The following KCTD5 variants were observed in gnomAD, a reference collection of about 807,000 sequenced individuals.
KCTD5 encodes potassium channel tetramerization domain containing 5, also known as BTB/POZ domain-containing protein KCTD5.
A neutral mutation model predicts 27.9 loss-of-function variants in KCTD5; 12 were observed. That is an observed-to-expected ratio of 0.43 (90% CI 0.28 to 0.70). The LOEUF is 0.70. KCTD5 is among the 30% of genes least tolerant of loss of function. The probability of loss-of-function intolerance (pLI) is 0.19; values close to 1 mark genes in which losing one functional copy is unlikely to be tolerated. For missense variants in KCTD5, 226 were observed against 274.8 expected (o/e 0.82, Z 1.26); for synonymous variants, 147 against 121.4 (o/e 1.21, Z -1.39).
intron 1 of KCTD5, among the ~76,000 whole-genome samples, chr16:2,689,786 C>G (rs2067557228): frequency 6.6e-6 from 1 of 152,144 alleles, no homozygotes; most frequent in Non-Finnish European, 1.5e-5. Flanking sequence ...AGTGATTGTC[C>G]TGCCTCAGCC....
chr16:2,706,089 G>T (rs1170848979), intron 5 of KCTD5, among the ~76,000 whole-genome samples: 1 of 152,226 alleles, frequency 6.6e-6, no homozygotes, highest in East Asian at 1.9e-4. Flanking sequence ...TCGCACAGGG[G>T]GATGGGCTCC....
In KCTD5 at chr16:2,702,439, C is replaced by G. The variant is rs541399652; in HGVS notation, c.636C>G (p.Thr212=). 3 of 1,613,324 alleles carry G rather than the reference C, an allele frequency of 1.9e-6. No individual in the cohort carries two copies. The highest frequency in any genetic ancestry group is 1.1e-5 in the South Asian group (1 of 91,084). The change falls in exon 5 of 6, where the codon ACC becomes ACG. Residue 212 remains threonine (T), a synonymous_variant. Coordinates refer to ENST00000301738, the MANE Select transcript of KCTD5 (RefSeq NM_018992.4). The part of the protein sequence containing the change: ...LCVVSKELHN[T]PYGTASEPSE... ...TGGTGTCCAAGGAGCTGCACAACAC[C>G]CCGTACGGTACGGCCAGCGAGCCCA...
chr16:2,682,877 G>A, intron 1 of KCTD5, 77 bp downstream of exon 1: 6 of 1,461,550 alleles, frequency 4.1e-6, no homozygotes, highest in South Asian at 2.7e-5. Context: ...TGCTTCGTGC[G>A]GAGGAGACTT....
At chr16:2,691,256 C>G (rs2067565279) in intron 1 of KCTD5, among the ~76,000 whole-genome samples, 1 of 152,234 alleles carries the variant, frequency 6.6e-6, no homozygotes, top group Non-Finnish European at 1.5e-5. Context: ...GCCACTGCCT[C>G]CCCGCCCTGG....
rs775530442 is a variant in KCTD5 at position 2,707,398 on chromosome 16, A to T, written c.*71A>T. 4.7e-6 allele frequency: 7 copies of T among 1,487,314 alleles called. No individual in the cohort carries two copies. In the Admixed American group the frequency reaches 1.2e-4, roughly 25 times the overall value. The allele number at this position is 1,487,314 out of a possible 1,614,324, so 92.1% of individuals were successfully genotyped here. ...GATGTAATGAACTGCCATGTCCAGG[A>T]AGCTTGGCTGTGAGAAGAAACCTGC... On this transcript the variant is annotated 3_prime_UTR_variant, in exon 6 of 6. Coordinates refer to ENST00000301738, the MANE Select transcript of KCTD5 (RefSeq NM_018992.4).
At chr16:2,684,638 A>G (rs1402735769) in intron 1 of KCTD5, 3 of 152,172 alleles carry the variant, frequency 2.0e-5, no homozygotes, top group African/African-American at 4.8e-5. Context: ...GGTGGCGAGC[A>G]CCTGTAGTCC....
chr16:2,692,016 G>GT (rs1172518109), intron 1 of KCTD5, among the ~76,000 whole-genome samples: 1 of 152,178 alleles, frequency 6.6e-6, no homozygotes, highest in Non-Finnish European at 1.5e-5. Flanking sequence ...TGGTCCCTCT[G>GT]TCAGGAGCCT....
chr16:2,699,765 C>T lies in KCTD5; in HGVS notation c.454-56C>T, dbSNP rs139279789. The T allele has an allele frequency of 8.4e-5, 130 of 1,542,208 alleles. No homozygotes were observed. In the Admixed American group the frequency reaches 2.1e-3, roughly 25 times the overall value. On this transcript the variant is annotated intron_variant, in intron 3 of 5. Transcript: ENST00000301738. ...CCCTGGGTCACCTGGGCTGGGGCCA[C>T]AGGCAGCAGTGGGACATGGGTGGCC...
At chr16:2,701,968 G>C (rs1479404700) in intron 4 of KCTD5, among the ~76,000 whole-genome samples, 4 of 152,206 alleles carry the variant, frequency 2.6e-5, no homozygotes, top group Non-Finnish European at 5.9e-5. Context: ...GGTCCAGTCA[G>C]CTGGTCCCAG....
At chr16:2,702,223 A>G (rs2067615278) in intron 4 of KCTD5, 130 bp from the exon 5 acceptor site, 1 of 1,198,360 alleles carries the variant, frequency 8.3e-7, no homozygotes, top group African/African-American at 1.5e-5. Flanking sequence ...TTTTCCATCC[A>G]TTTCCTGAAG....
chr16:2,684,203 A>G (rs1209077322), intron 1 of KCTD5: 1 of 151,946 alleles, frequency 6.6e-6, no homozygotes, highest in Non-Finnish European at 1.5e-5. Flanking sequence ...TGTTTTGTAT[A>G]TGAAATTAGA....
rs1173639560 is a variant in KCTD5 at position 2,682,814 on chromosome 16, G to C, written c.252+14G>C. The C allele has an allele frequency of 1.3e-6, 2 of 1,577,466 alleles. No homozygotes were observed. Among genetic ancestry groups the C allele is most frequent in the African/African-American group, 1.4e-5 (1 of 71,728 alleles). On this transcript the variant is annotated intron_variant, in intron 1 of 5. Transcript: ENST00000301738. Reference sequence around the variant, plus strand: ...GACTCAGACAAGGTGAGGGCCTCACGGGCCAGCCCGGAGGGTCCTGGCCTT... The same window carrying C: ...GACTCAGACAAGGTGAGGGCCTCACCGGCCAGCCCGGAGGGTCCTGGCCTT...
chr16:2,703,066 G>A (rs967111447), intron 5 of KCTD5, among the ~76,000 whole-genome samples: 4 of 152,314 alleles, frequency 2.6e-5, no homozygotes, highest in African/African-American at 9.6e-5. Flanking sequence ...CAGACTCTGC[G>A]GGGGCTCAGG....
chr16:2,701,392 C>G (rs1646205542), intron 4 of KCTD5, among the ~76,000 whole-genome samples: 1 of 152,182 alleles, frequency 6.6e-6, no homozygotes, highest in Admixed American at 6.5e-5. Context: ...CAGACCGGAC[C>G]CAGGGTCCCC....
intron 4 of KCTD5, among the ~76,000 whole-genome samples, chr16:2,701,558 T>C (rs1396737033): frequency 6.6e-6 from 1 of 152,222 alleles, no homozygotes; most frequent in Non-Finnish European, 1.5e-5. Flanking sequence ...GGTCCACTGC[T>C]GCCCACTGGG....
intron 2 of KCTD5, among the ~76,000 whole-genome samples, chr16:2,696,767 C>T (rs367794885): frequency 2.6e-5 from 4 of 152,264 alleles, no homozygotes; most frequent in East Asian, 1.9e-4. Flanking sequence ...CTGCCTCCTC[C>T]GAGTTCACGC....
chr16:2,689,616 T>C (rs1474130719), intron 1 of KCTD5, among the ~76,000 whole-genome samples: 1 of 150,546 alleles, frequency 6.6e-6, no homozygotes, highest in East Asian at 2.0e-4. Context: ...CAGGGTTATG[T>C]TGGGTTCAGA....
chr16:2,706,598 G>C (rs1234769947), intron 5 of KCTD5, among the ~76,000 whole-genome samples: 1 of 152,142 alleles, frequency 6.6e-6, no homozygotes, highest in African/African-American at 2.4e-5. Context: ...GGCCTCAGGG[G>C]GTTCCTGGAC....
chr16:2,696,881 G>T (rs935886788), intron 2 of KCTD5, among the ~76,000 whole-genome samples: 1 of 152,230 alleles, frequency 6.6e-6, no homozygotes, highest in Non-Finnish European at 1.5e-5. Flanking sequence ...TCTTTCACAT[G>T]TACTCTCTCT....
Sources: gnomAD v4.1 joint callset for allele counts (sites outside exome capture counted in the v4.1 genomes callset) on GRCh38, gnomAD v4.1.1 for gene constraint, MANE v1.5 for transcripts, NCBI Gene and HGNC (gene_info 2026-07-23, HGNC 2026-07-21) for gene names.